Variants in DAB1 observed in about 807,000 individuals in gnomAD.
DAB1 encodes DAB adaptor protein 1.
A neutral mutation model predicts 64.6 loss-of-function variants in DAB1; 15 were observed. That is an observed-to-expected ratio of 0.23 (90% CI 0.16 to 0.36). The LOEUF (loss-of-function observed/expected upper bound fraction) is 0.36. Ranked by LOEUF, DAB1 falls within the 10% of genes least tolerant of loss-of-function variation. The pLI, the probability that DAB1 is intolerant of heterozygous loss-of-function variation, is 1.00. For missense variants in DAB1, 596 were observed against 706.7 expected, an observed-to-expected ratio of 0.84 and a Z score of 1.78; for synonymous variants, 235 against 251.9, an observed-to-expected ratio of 0.93 and a Z score of 0.64.
chr1:58,232,638 G>A (rs1659834879), intron 4 of DAB1, among the ~76,000 whole-genome samples: 1 of 152,206 alleles, frequency 6.6e-6, no homozygotes, highest in Non-Finnish European at 1.5e-5. Context: ...GATTGTGGGA[G>A]CAGAGGAAGA....
At chr1:57,741,244 T>C (rs768734048) in intron 6 of DAB1, among the ~76,000 whole-genome samples, 11 of 152,190 alleles carry the variant, frequency 7.2e-5, no homozygotes, top group Non-Finnish European at 1.6e-4. Context: ...CTCTCTACTA[T>C]TCCATCATTC....
intron 9 of DAB1, among the ~76,000 whole-genome samples, chr1:57,050,162 C>T (rs1290590239): frequency 6.6e-6 from 1 of 152,120 alleles, no homozygotes; most frequent in African/African-American, 2.4e-5. Context: ...TAACTAGTTC[C>T]TCATATTAGA....
chr1:58,308,931 CA>C (rs755747971), intron 4 of DAB1, among the ~76,000 whole-genome samples: 64 of 152,198 alleles, frequency 4.2e-4, no homozygotes, highest in Admixed American at 2.2e-3. Context: ...ATTTATTTCA[CA>C]AGCTTTTATT....
In DAB1 at chr1:58,489,211, G is replaced by T. The variant is rs1433206669; in HGVS notation, n.257+16849C>A. 2.0e-5 allele frequency among the ~76,000 whole-genome samples: 3 copies of T among 152,326 alleles called. No homozygotes were observed. The East Asian group carries it at 5.8e-4, about 29-fold the overall frequency. ...TTCCTAGCCAAGGAAAGGGGTAACA[G>T]ACGGCACCTGGAAAATTGGGTCACT... is the stretch of plus-strand genomic sequence containing the variant. On this transcript the variant is annotated intron_variant and non_coding_transcript_variant, in intron 3 of 20. Coordinates refer to the DAB1 transcript ENST00000485760.
intron 2 of DAB1, among the ~76,000 whole-genome samples, chr1:58,507,202 CTT>C (rs1646002603): frequency 6.6e-6 from 1 of 151,720 alleles, no homozygotes; most frequent in African/African-American, 2.4e-5. Context: ...CATTTCTTAA[CTT>C]ATTCTTTCTA....
intron 6 of DAB1, among the ~76,000 whole-genome samples, chr1:57,693,074 T>C (rs577903914): frequency 1.3e-5 from 2 of 152,294 alleles, no homozygotes; most frequent in South Asian, 2.1e-4. Flanking sequence ...CAGATGGTCT[T>C]ACAAATGGAA....
At chr1:57,415,809 A>G (rs1365024649) in intron 1 of DAB1, among the ~76,000 whole-genome samples, 1 of 152,186 alleles carries the variant, frequency 6.6e-6, no homozygotes, top group Non-Finnish European at 1.5e-5. Context: ...CACCATCACC[A>G]GGGACTAGGA....
intron 5 of DAB1, among the ~76,000 whole-genome samples, chr1:57,942,129 C>T (rs184188018): frequency 6.6e-6 from 1 of 152,282 alleles, no homozygotes; most frequent in East Asian, 1.9e-4. Flanking sequence ...CAGCTTCGAT[C>T]TAAGTGAGGA....
intron 1 of DAB1, among the ~76,000 whole-genome samples, chr1:57,400,254 T>C (rs1015269799): frequency 6.6e-6 from 1 of 152,166 alleles, no homozygotes; most frequent in African/African-American, 2.4e-5. Flanking sequence ...CATTGATTTT[T>C]CAGGTTAATT....
At chr1:57,391,720 T>G (rs928114676) in intron 1 of DAB1, among the ~76,000 whole-genome samples, 1 of 151,316 alleles carries the variant, frequency 6.6e-6, no homozygotes, top group African/African-American at 2.4e-5. Context: ...AATGTTGCCC[T>G]AATCCATCTG....
At chr1:57,861,297 A>G (rs1326135478) in intron 1 of DAB1, among the ~76,000 whole-genome samples, 1 of 152,154 alleles carries the variant, frequency 6.6e-6, no homozygotes, top group African/African-American at 2.4e-5. Flanking sequence ...CAAGAGAAAT[A>G]TATTTCTTAC....
At chr1:58,303,703 G>A (rs1385260283) in intron 4 of DAB1, among the ~76,000 whole-genome samples, 4 of 152,148 alleles carry the variant, frequency 2.6e-5, no homozygotes, top group African/African-American at 7.2e-5. Context: ...AGCTTATAAG[G>A]AGAAGAGGAA....
At chr1:58,397,488 G>A (rs917867793) in intron 3 of DAB1, among the ~76,000 whole-genome samples, 4 of 151,662 alleles carry the variant, frequency 2.6e-5, no homozygotes, top group Non-Finnish European at 4.4e-5. Context: ...ATCTCCCTGA[G>A]AGGGTTCTAT....
chr1:57,496,501 A>G (rs1411175072), intron 7 of DAB1, among the ~76,000 whole-genome samples: 2 of 152,146 alleles, frequency 1.3e-5, no homozygotes, highest in Admixed American at 1.3e-4. Flanking sequence ...ACACACTACA[A>G]TTTATGCAAA....
intron 5 of DAB1, among the ~76,000 whole-genome samples, chr1:57,948,461 C>T (rs1645216298): frequency 6.6e-6 from 1 of 152,136 alleles, no homozygotes; most frequent in East Asian, 1.9e-4. Context: ...GCTGTTTTTA[C>T]CGTTGACATC....
intron 6 of DAB1, among the ~76,000 whole-genome samples, chr1:57,772,462 T>C (rs1649603942): frequency 6.6e-6 from 1 of 152,170 alleles, no homozygotes; most frequent in African/African-American, 2.4e-5. Context: ...TTTTGGTTAT[T>C]GTGAATAAAG....
chr1:57,732,630 A>G (rs1018022491), intron 6 of DAB1, among the ~76,000 whole-genome samples: 1 of 152,190 alleles, frequency 6.6e-6, no homozygotes, highest in East Asian at 1.9e-4. Context: ...TTAAAAATCC[A>G]TCATCACCTG....
chr1:57,226,672 A>AAAAAAAATATATATATATATATAT (rs747021990), intron 2 of DAB1, among the ~76,000 whole-genome samples: 7 of 136,016 alleles, frequency 5.1e-5, no homozygotes, highest in African/African-American at 2.2e-4. Flanking sequence ...TTAAAAAAAA[A>AAAAAAAATATATATATATATATAT]ATATATATAT....
At chr1:58,285,027 A>T (rs750410693) in intron 4 of DAB1, among the ~76,000 whole-genome samples, 6 of 152,214 alleles carry the variant, frequency 3.9e-5, no homozygotes, top group Non-Finnish European at 8.8e-5. Flanking sequence ...TTTTTGCTGC[A>T]TAACAAACCA....
Sources: allele counts gnomAD v4.1 joint callset (sites outside exome capture counted in the v4.1 genomes callset), GRCh38; gene constraint gnomAD v4.1.1; transcripts MANE v1.5; gene names NCBI Gene and HGNC (gene_info 2026-07-23, HGNC 2026-07-21).